The following ZNF577 variants were observed in gnomAD, a reference collection of about 807,000 sequenced individuals.
The protein encoded by ZNF577 is zinc finger protein 577.
A neutral mutation model predicts 13.9 loss-of-function variants in ZNF577; 14 were observed. That is an observed-to-expected ratio of 1.00 (90% CI 0.66 to 1.57). The LOEUF (loss-of-function observed/expected upper bound fraction) is 1.57, where lower values mean the gene tolerates loss of function less well. Among genes scored for constraint, ZNF577 ranks in the 40% most tolerant of loss-of-function variants. The probability of loss-of-function intolerance (pLI) is 0.00; values close to 1 mark genes in which losing one functional copy is unlikely to be tolerated. For synonymous variants in ZNF577, 203 were observed against 202.9 expected, an observed-to-expected ratio of 1.00 and a Z score of 0.00; for missense variants, 555 against 579.2, an observed-to-expected ratio of 0.96 and a Z score of 0.43.
At position 51,849,470 on chromosome 19, in the gene ZNF577, G is replaced by C. The variant is rs550060324; in HGVS notation, c.284-4539C>G. Among the ~76,000 whole-genome samples, 4 of 152,292 alleles carry C rather than the reference G, an allele frequency of 2.6e-5. No homozygotes were observed. In the East Asian group the frequency reaches 7.7e-4, roughly 29 times the overall value. On this transcript the variant is annotated intron_variant and NMD_transcript_variant, in intron 5 of 10. Transcript: ENST00000638827. ...ACCACTTGTAAAAGGACTTACAGGA[G>C]TAGGTTCACCCCCTTCTGCCTTTTG...
At chr19:51,809,103 A>G (rs899939551) in intron 10 of ZNF577, among the ~76,000 whole-genome samples, 4 of 152,214 alleles carry the variant, frequency 2.6e-5, no homozygotes, top group Non-Finnish European at 5.9e-5. Context: ...CTGATATCTC[A>G]TGTTCTTCAA....
intron 5 of ZNF577, among the ~76,000 whole-genome samples, chr19:51,853,613 T>C (rs1483759434): frequency 6.6e-6 from 1 of 152,214 alleles, no homozygotes; most frequent in Non-Finnish European, 1.5e-5. Context: ...GTCTATGTAG[T>C]AGAGCCTGGT....
chr19:51,862,401 T>C (rs4514789), downstream of ZNF577: 40,971 of 152,704 alleles, frequency 0.27, 7,785 homozygotes, highest in African/African-American at 0.53. Context: ...ATCCATAGGG[T>C]CTTTCTTCTG....
chr19:51,820,058 G>C (rs1051748737), intron 9 of ZNF577, among the ~76,000 whole-genome samples: 1 of 152,176 alleles, frequency 6.6e-6, no homozygotes, highest in Non-Finnish European at 1.5e-5. Flanking sequence ...GCTAAAAAAT[G>C]CACATCTAAT....
chr19:51,867,499 G>A lies in ZNF577; in HGVS notation c.*5033C>T, dbSNP rs569020166. Among the ~76,000 whole-genome samples the A allele has an allele frequency of 1.3e-5, 2 of 152,094 alleles. No homozygotes were observed. The highest frequency in any genetic ancestry group is 3.9e-4 in the East Asian group (2 of 5,170). On this transcript the variant is annotated 3_prime_UTR_variant, in exon 6 of 6. Transcript: ENST00000638348. Reference sequence around the variant, plus strand: ...TTTTTAAAAACACAAAGCTGGCCAGGCGCGGTGGCTCACACCTGTAATCCC... The same window carrying A: ...TTTTTAAAAACACAAAGCTGGCCAGACGCGGTGGCTCACACCTGTAATCCC...
chr19:51,835,906 T>C (rs1426233596), intron 9 of ZNF577, among the ~76,000 whole-genome samples: 2 of 152,234 alleles, frequency 1.3e-5, no homozygotes, highest in East Asian at 1.9e-4. Flanking sequence ...TTGGTCAGGC[T>C]GGTCTTGAAC....
intron 5 of ZNF577, among the ~76,000 whole-genome samples, chr19:51,850,325 C>A (rs2084373530): frequency 6.6e-6 from 1 of 152,198 alleles, no homozygotes; most frequent in Admixed American, 6.5e-5. Context: ...CTATGGTCAC[C>A]CATGTGGATA....
chr19:51,869,892 A>G lies in ZNF577; in HGVS notation c.*2640T>C, dbSNP rs1372523698. Among the ~76,000 whole-genome samples, 2 of 151,998 alleles carry G rather than the reference A, an allele frequency of 1.3e-5. No homozygotes were observed. The highest frequency in any genetic ancestry group is 2.9e-5 in the Non-Finnish European group (2 of 67,996). On this transcript the variant is annotated 3_prime_UTR_variant, in exon 6 of 6. Transcript: ENST00000638348. Reference sequence around the variant, plus strand: ...AACTACACTTCCTAGGAAGCTCAGCAGCCCTGTTCAAAAGCCTCAGTTCCC... The same window carrying G: ...AACTACACTTCCTAGGAAGCTCAGCGGCCCTGTTCAAAAGCCTCAGTTCCC...
exon 10 of ZNF577, chr19:51,811,672 G>A (rs2084097640): frequency 6.6e-6 from 1 of 152,144 alleles, no homozygotes; most frequent in African/African-American, 2.4e-5. Flanking sequence ...GATCCCTGGT[G>A]GACTGAACAA....
downstream of ZNF577, among the ~76,000 whole-genome samples, chr19:51,804,612 C>A (rs1438888738): frequency 2.6e-5 from 4 of 152,162 alleles, no homozygotes; most frequent in Non-Finnish European, 5.9e-5. Context: ...ACTAACTTAA[C>A]TTCAACAACA....
chr19:51,824,687 G>A lies in ZNF577; in HGVS notation c.*600-13013C>T. On this transcript the variant is annotated intron_variant and NMD_transcript_variant, in intron 9 of 10. Transcript: ENST00000638827. The surrounding 1 kb of genome is among the most constrained non-coding windows in gnomAD (Gnocchi z 4.7). ...TGGGTCGTAACTTCCAAGAAAGACT[G>A]ATTCGCTCTTTGCCCACTAGTTTGG... 6.2e-7 allele frequency: 1 copy of A among 1,614,096 alleles called. No homozygotes were observed. The highest frequency in any genetic ancestry group is 8.5e-7 in the Non-Finnish European group (1 of 1,180,010).
At chr19:51,845,404 G>A (rs1402513485) in intron 5 of ZNF577, among the ~76,000 whole-genome samples, 1 of 151,822 alleles carries the variant, frequency 6.6e-6, no homozygotes, top group Non-Finnish European at 1.5e-5. Flanking sequence ...CAGGAGAATC[G>A]CTTGAACCCG....
downstream of ZNF577, among the ~76,000 whole-genome samples, chr19:51,865,164 T>C (rs531801803): frequency 1.3e-5 from 2 of 152,262 alleles, no homozygotes; most frequent in Admixed American, 1.3e-4. Context: ...TGGCGCAATC[T>C]CAGCTCACTG....
intron 5 of ZNF577, among the ~76,000 whole-genome samples, chr19:51,853,384 G>T (rs963303976): frequency 5.9e-5 from 9 of 152,082 alleles, no homozygotes; most frequent in Non-Finnish European, 1.2e-4. Flanking sequence ...ACAAGTTTTG[G>T]CCAGCCTCAA....
At position 51,873,780 on chromosome 19, in the gene ZNF577, A is replaced by T. The variant is rs928694311; in HGVS notation, c.284-74T>A. ...TTTACATTAAAGGAACAATGCTCTT[A>T]CATAAACCAAACTTATTTCCAAGGG... On this transcript the variant is annotated intron_variant, in intron 5 of 5. Transcript: ENST00000638348. The T allele has an allele frequency of 7.1e-6, 8 of 1,123,646 alleles. No individual in the cohort carries two copies. The Admixed American group carries it at 2.2e-4, about 31-fold the overall frequency. 69.6% of individuals were successfully genotyped at this position (1,123,646 alleles called of 1,614,324 possible). A position where few individuals can be genotyped will look rare whatever the true frequency, so the allele number is the denominator to read the frequency against.
At position 51,877,298 on chromosome 19, in the gene ZNF577, G is replaced by A; in HGVS notation, c.267C>T (p.His89=). ...CTCACTTACCTGGACAGATTTGACT[G>A]TGGGCTGCTCCTTCTGCTATCCCTG... ...EPPGIAEGAA[H]SQICPGFVIQ... Residue 89 remains histidine, a synonymous_variant, in exon 5 of 6, where the codon CAC becomes CAT. Transcript: ENST00000638348. 1.2e-6 allele frequency: 2 copies of A among 1,613,996 alleles called. No individual in the cohort carries two copies. Among genetic ancestry groups the A allele is most frequent in the Non-Finnish European group, 8.5e-7 (1 of 1,179,914 alleles).
At chr19:51,810,690 T>C (rs897289161) in intron 10 of ZNF577, among the ~76,000 whole-genome samples, 1 of 152,188 alleles carries the variant, frequency 6.6e-6, no homozygotes, top group South Asian at 2.1e-4. Flanking sequence ...CAAGTTCGCA[T>C]CAAGTGTCTC....
chr19:51,817,151 G>C (rs1208314938), intron 9 of ZNF577, among the ~76,000 whole-genome samples: 1 of 152,060 alleles, frequency 6.6e-6, no homozygotes, highest in Non-Finnish European at 1.5e-5. Context: ...GTGTCTTCTG[G>C]GAATGGTAAG....
intron 9 of ZNF577, among the ~76,000 whole-genome samples, chr19:51,833,440 TG>T (rs1389185513): frequency 2.0e-5 from 1 of 50,812 alleles, no homozygotes; most frequent in Non-Finnish European, 4.0e-5. Flanking sequence ...GTAGTTATGT[TG>T]ATTGTGTTTT....
Sources: allele counts gnomAD v4.1 joint callset (sites outside exome capture counted in the v4.1 genomes callset), GRCh38; gene constraint gnomAD v4.1.1; non-coding constraint Gnocchi (gnomAD v3.1); transcripts MANE v1.5; gene names NCBI Gene and HGNC (gene_info 2026-07-23, HGNC 2026-07-21).